Variants in GNB5 observed in about 807,000 individuals in gnomAD.
GNB5 encodes the protein guanine nucleotide-binding protein subunit beta-5.
GNB5 carries 37 observed loss-of-function variants against 55.3 expected under a neutral mutation model. The ratio of observed to expected loss-of-function variants is 0.67; its 90% CI spans 0.51 to 0.88. The LOEUF (loss-of-function observed/expected upper bound fraction) is 0.88. GNB5 is among the 40% of genes least tolerant of loss of function. The pLI is 0.00. For synonymous variants in GNB5, 219 were observed against 198.5 expected (o/e 1.10, Z -0.87); for missense variants, 476 against 515.3 (o/e 0.92, Z 0.74).
chr15:52,157,220 G>A (rs541761286), intron 3 of GNB5, among the ~76,000 whole-genome samples: 6 of 149,008 alleles, frequency 4.0e-5, no homozygotes, highest in African/African-American at 1.5e-4. Context: ...ACAGGCGTGA[G>A]CCACGGCACC....
intron 3 of GNB5, among the ~76,000 whole-genome samples, chr15:52,169,332 T>C (rs1596099529): frequency 7.9e-6 from 1 of 126,748 alleles, no homozygotes; most frequent in South Asian, 2.4e-4. Flanking sequence ...AAGTCAGGAG[T>C]TTGAAACCAG....
chr15:52,139,978 A>G (rs944033779), intron 7 of GNB5: 101 of 1,260,110 alleles, frequency 8.0e-5, no homozygotes, highest in Admixed American at 1.2e-4. Flanking sequence ...CTCAGGCCCA[A>G]AGACATCTCA....
At chr15:52,171,086 C>T (rs12594679) in intron 3 of GNB5, among the ~76,000 whole-genome samples, 26,359 of 128,796 alleles carry the variant, frequency 0.2, 2,666 homozygotes, top group Admixed American at 0.33. Flanking sequence ...AAGTGAGACT[C>T]TATCTCCAAA....
intron 3 of GNB5, among the ~76,000 whole-genome samples, chr15:52,161,895 C>G (rs759028426): frequency 1.3e-5 from 2 of 152,226 alleles, no homozygotes; most frequent in African/African-American, 2.4e-5. Context: ...CTGTAGAAGT[C>G]TCCCCCAACT....
At chr15:52,141,113 AC>A in intron 7 of GNB5, 26 bp downstream of exon 7, 1 of 1,612,662 alleles carries the variant, frequency 6.2e-7, no homozygotes, top group Non-Finnish European at 8.5e-7. Context: ...TGGCAGGTCA[AC>A]CTGACACCGG....
chr15:52,153,879 C>G, intron 4 of GNB5, 61 bp downstream of exon 4: 5 of 1,447,902 alleles, frequency 3.5e-6, no homozygotes, highest in Non-Finnish European at 3.8e-6. Flanking sequence ...GGACAGCTCT[C>G]CTCCCCCTTA....
In GNB5 at chr15:52,126,041, G is replaced by T. The variant is rs1367527058; in HGVS notation, c.916C>A (p.Arg306Ser). 6.7e-7 allele frequency: 1 copy of T among 1,497,670 alleles called. No individual in the cohort carries two copies. The highest frequency in any genetic ancestry group is 9.3e-7 in the Non-Finnish European group (1 of 1,078,652). 92.8% of individuals were successfully genotyped at this position (1,497,670 alleles called of 1,614,324 possible). A position where few individuals can be genotyped will look rare whatever the true frequency, so the allele number is the denominator to read the frequency against. The change falls in exon 11 of 13, where the codon CGC (arginine) becomes AGC (serine). Residue 306 changes from arginine to serine, a missense_variant. Coordinates refer to ENST00000261837, the MANE Select transcript of GNB5 (RefSeq NM_016194.4). Reference sequence around the variant, plus strand: ...CTATCTGCCCGCAGGTCATAGAGGCGACACTGGGGAGCAAATAAATAAAGA... The same window carrying T: ...CTATCTGCCCGCAGGTCATAGAGGCTACACTGGGGAGCAAATAAATAAAGA... ...FASGSDDATC[R>S]LYDLRADREV...
At chr15:52,171,093 CAAA>C (rs58181494) in intron 3 of GNB5, among the ~76,000 whole-genome samples, 3 of 72,640 alleles carry the variant, frequency 4.1e-5, no homozygotes, top group South Asian at 5.3e-4. Context: ...ACTCTATCTC[CAAA>C]AAAAAAAAAA....
At chr15:52,156,223 G>A (rs967769569) in intron 3 of GNB5, among the ~76,000 whole-genome samples, 13 of 152,164 alleles carry the variant, frequency 8.5e-5, no homozygotes, top group South Asian at 4.1e-4. Context: ...GGGGAGCCCC[G>A]TCAAGCAGGT....
At chr15:52,185,715 A>G (rs1232301651) in intron 1 of GNB5, among the ~76,000 whole-genome samples, 1 of 151,272 alleles carries the variant, frequency 6.6e-6, no homozygotes, top group Non-Finnish European at 1.5e-5. Context: ...AGACAGCAAT[A>G]ACGTTCTAGT....
At chr15:52,160,433 T>G (rs184323290) in intron 3 of GNB5, among the ~76,000 whole-genome samples, 4 of 152,106 alleles carry the variant, frequency 2.6e-5, no homozygotes, top group African/African-American at 9.6e-5. Context: ...ACTAGAAGAC[T>G]GGAAACAACA....
intron 12 of GNB5, among the ~76,000 whole-genome samples, chr15:52,123,008 T>C (rs1315847371): frequency 6.6e-6 from 1 of 151,656 alleles, no homozygotes; most frequent in Non-Finnish European, 1.5e-5. Flanking sequence ...GATCTTCTCC[T>C]CCCTTAGTTA....
At chr15:52,183,333 T>TCG (rs2034798996) in intron 2 of GNB5, among the ~76,000 whole-genome samples, 1 of 145,316 alleles carries the variant, frequency 6.9e-6, no homozygotes, top group South Asian at 2.2e-4. Context: ...TAATAAATAA[T>TCG]GGGGGGGGGG....
intron 3 of GNB5, among the ~76,000 whole-genome samples, chr15:52,156,889 A>G (rs890886798): frequency 6.6e-6 from 1 of 152,194 alleles, no homozygotes; most frequent in Non-Finnish European, 1.5e-5. Flanking sequence ...TACGTTCTTT[A>G]CAAAATACAT....
intron 3 of GNB5, among the ~76,000 whole-genome samples, chr15:52,159,855 G>A (rs892761717): frequency 8.5e-5 from 13 of 152,162 alleles, no homozygotes; most frequent in African/African-American, 3.1e-4. Context: ...GGTTGACTCC[G>A]CTGGCAGGCG....
chr15:52,153,834 A>G, intron 4 of GNB5, 106 bp downstream of exon 4: 1 of 929,052 alleles, frequency 1.1e-6, no homozygotes, highest in East Asian at 2.4e-5. Context: ...GAGAATGAGC[A>G]AAGTCACAAA....
chr15:52,189,535 G>A (rs918822115), intron 1 of GNB5, among the ~76,000 whole-genome samples: 13 of 152,096 alleles, frequency 8.5e-5, no homozygotes, highest in African/African-American at 2.9e-4. Flanking sequence ...AGCCAAGATC[G>A]CGCCACTGAA....
intron 3 of GNB5, among the ~76,000 whole-genome samples, chr15:52,154,626 AC>A (rs1773107875): frequency 6.6e-6 from 1 of 152,144 alleles, no homozygotes; most frequent in Non-Finnish European, 1.5e-5. Flanking sequence ...TATAAGGTAC[AC>A]CCTGCAGCTC....
chr15:52,152,195 T>C (rs1442665756), intron 4 of GNB5, among the ~76,000 whole-genome samples: 1 of 151,492 alleles, frequency 6.6e-6, no homozygotes, highest in Non-Finnish European at 1.5e-5. Flanking sequence ...TTGTGGATTA[T>C]CTAGAGTATA....
Sources: gnomAD v4.1 joint callset for allele counts (sites outside exome capture counted in the v4.1 genomes callset) on GRCh38, gnomAD v4.1.1 for gene constraint, MANE v1.5 for transcripts, NCBI Gene and HGNC (gene_info 2026-07-23, HGNC 2026-07-21) for gene names.